The following RIPOR2 variants were observed in gnomAD, a reference collection of about 807,000 sequenced individuals.
RIPOR2 encodes the protein RHO family interacting cell polarization regulator 2.
In RIPOR2, 39 loss-of-function variants were observed where a neutral mutation model predicts 114.5. The ratio of observed to expected loss-of-function variants is 0.34; its 90% CI spans 0.26 to 0.44. RIPOR2 has a LOEUF of 0.44. Among genes scored for constraint, RIPOR2 ranks in the 20% least tolerant of loss-of-function variants. RIPOR2 has a pLI of 1.00. For missense variants in RIPOR2, 1,007 were observed against 1,255.1 expected (o/e 0.80, Z 2.99); for synonymous variants, 445 against 484.4 (o/e 0.92, Z 1.07).
upstream of RIPOR2, among the ~76,000 whole-genome samples, chr6:24,937,709 G>A (rs933766223): frequency 2.0e-5 from 3 of 152,090 alleles, no homozygotes; most frequent in Middle Eastern, 6.3e-3. Flanking sequence ...AACTTCATGA[G>A]GTGGGTGCTA....
intron 1 of RIPOR2, among the ~76,000 whole-genome samples, chr6:24,987,715 G>A (rs1180696071): frequency 6.6e-6 from 1 of 152,186 alleles, no homozygotes; most frequent in Non-Finnish European, 1.5e-5. Context: ...GTGTCCCTAT[G>A]TATAAATGTC....
At chr6:25,015,890 T>G (rs1227998002) in intron 1 of RIPOR2, 6 of 22,070 alleles carry the variant, frequency 2.7e-4, no homozygotes, top group Admixed American at 2.3e-3. Flanking sequence ...AAACGCAGGT[T>G]TTTTGGTTTT....
intron 19 of RIPOR2, among the ~76,000 whole-genome samples, chr6:24,819,369 A>T (rs1291064491): frequency 6.6e-6 from 1 of 152,142 alleles, no homozygotes; most frequent in African/African-American, 2.4e-5. Context: ...AAGTTGATTG[A>T]AAAAAAGGTA....
chr6:24,997,228 T>C (rs182637763), intron 1 of RIPOR2, among the ~76,000 whole-genome samples: 2 of 152,286 alleles, frequency 1.3e-5, no homozygotes, highest in East Asian at 3.9e-4. Flanking sequence ...GTGATTCTAA[T>C]ATACAGTTAA....
chr6:24,873,851 A>G, intron 2 of RIPOR2, 52 bp from the exon 3 acceptor site: 9 of 1,466,528 alleles, frequency 6.1e-6, no homozygotes, highest in Non-Finnish European at 7.5e-6. Flanking sequence ...AAAGGATTTG[A>G]CCAAAGAAAA....
intron 1 of RIPOR2, among the ~76,000 whole-genome samples, chr6:24,993,101 T>C (rs1249839388): frequency 6.6e-6 from 1 of 152,246 alleles, no homozygotes; most frequent in Non-Finnish European, 1.5e-5. Context: ...TGTTCAGCAT[T>C]TCTAATTGTG....
At chr6:24,935,716 G>A (rs993307850) in intron 1 of RIPOR2, 122 bp downstream of exon 1, 1 of 684,394 alleles carries the variant, frequency 1.5e-6, no homozygotes, top group African/African-American at 1.8e-5. Flanking sequence ...CCTCACTCAG[G>A]ATGCTTTGTT....
At chr6:24,839,870 A>C in intron 13 of RIPOR2, 3 of 1,152,240 alleles carry the variant, frequency 2.6e-6, no homozygotes, top group Non-Finnish European at 3.2e-6. Flanking sequence ...AACAAAACAA[A>C]TCCCAGAAAC....
chr6:24,923,111 T>C (rs923436367), intron 1 of RIPOR2, among the ~76,000 whole-genome samples: 1 of 152,184 alleles, frequency 6.6e-6, no homozygotes, highest in Non-Finnish European at 1.5e-5. Context: ...TGGTACTTCA[T>C]AGAAGTGGAT....
At position 24,985,625 on chromosome 6, in the gene RIPOR2, C is replaced by G. The variant is rs145440216; in HGVS notation, c.76+56226G>C. Among the ~76,000 whole-genome samples, 143 of 152,240 alleles carry G rather than the reference C, an allele frequency of 9.4e-4. 2 individuals carry two copies. Among genetic ancestry groups the G allele is most frequent in the African/African-American group, 3.2e-3 (132 of 41,528 alleles). Reference sequence around the variant, plus strand: ...CAGGATGAATTTCTATCCCCCGCTCCCTTCACACTTCCCATTACGGCAACT... The same window carrying G: ...CAGGATGAATTTCTATCCCCCGCTCGCTTCACACTTCCCATTACGGCAACT... On this transcript the variant is annotated intron_variant, in intron 1 of 13. Coordinates refer to the RIPOR2 transcript ENST00000510784.
At chr6:24,942,807 A>G (rs186619436) in intron 1 of RIPOR2, among the ~76,000 whole-genome samples, 161 of 152,058 alleles carry the variant, frequency 1.1e-3, no homozygotes, top group Non-Finnish European at 1.6e-3. Flanking sequence ...TAGATTCTGG[A>G]TATTAGCCTT....
At chr6:24,873,492 C>A (rs576536038) in intron 3 of RIPOR2, among the ~76,000 whole-genome samples, 152 bp downstream of exon 3, 57 of 152,224 alleles carry the variant, frequency 3.7e-4, no homozygotes, top group Non-Finnish European at 6.5e-4. Context: ...TATTTCCCAT[C>A]TCTGGGACTT....
intron 16 of RIPOR2, among the ~76,000 whole-genome samples, chr6:24,831,581 G>A (rs993229792): frequency 4.6e-5 from 7 of 152,130 alleles, no homozygotes; most frequent in Non-Finnish European, 2.9e-5. Flanking sequence ...GACCGGCCAA[G>A]GTCACCTACT....
intron 1 of RIPOR2, among the ~76,000 whole-genome samples, chr6:24,944,749 A>T (rs1382810519): frequency 6.6e-6 from 1 of 152,198 alleles, no homozygotes; most frequent in Non-Finnish European, 1.5e-5. Context: ...AACTAGACAC[A>T]TCATAATCAA....
At chr6:24,835,986 G>T in intron 14 of RIPOR2, 115 bp from the exon 15 acceptor site, 2 of 925,958 alleles carry the variant, frequency 2.2e-6, no homozygotes, top group East Asian at 2.7e-5. Flanking sequence ...TCTTTCACTT[G>T]CCTATCTTGA....
At chr6:24,829,506 C>T (rs1238523748) in intron 17 of RIPOR2, among the ~76,000 whole-genome samples, 5 of 151,984 alleles carry the variant, frequency 3.3e-5, no homozygotes, top group Non-Finnish European at 5.9e-5. Flanking sequence ...CATCTATCTA[C>T]AGTCCCAGTA....
At chr6:24,976,315 T>C (rs1391350406) in intron 1 of RIPOR2, 2 of 772,766 alleles carry the variant, frequency 2.6e-6, no homozygotes, top group Non-Finnish European at 4.3e-6. Flanking sequence ...ACCACTTAAA[T>C]TGTGTTTTTA....
intron 19 of RIPOR2, among the ~76,000 whole-genome samples, chr6:24,822,931 A>AG (rs1003288733): frequency 1.2e-4 from 19 of 152,258 alleles, no homozygotes; most frequent in African/African-American, 4.3e-4. Context: ...GGAAGCAAAC[A>AG]GAAGGCACAT....
At chr6:24,875,244 C>G (rs1421655999) in intron 2 of RIPOR2, among the ~76,000 whole-genome samples, 1 of 151,456 alleles carries the variant, frequency 6.6e-6, no homozygotes, top group Non-Finnish European at 1.5e-5. Context: ...TCCCCTAAGT[C>G]CTGTTTCAGA....
Sources: gnomAD v4.1 joint callset for allele counts (sites outside exome capture counted in the v4.1 genomes callset) on GRCh38, gnomAD v4.1.1 for gene constraint, MANE v1.5 for transcripts, NCBI Gene and HGNC (gene_info 2026-07-23, HGNC 2026-07-21) for gene names.